Variants in MLPH observed in about 807,000 individuals in gnomAD.
The protein encoded by MLPH is exophilin-3.
A neutral mutation model predicts 72.1 loss-of-function variants in MLPH; 51 were observed. The observed-to-expected ratio is 0.71, with a 90% CI of 0.56 to 0.89. The LOEUF is 0.89. MLPH is among the 40% of genes least tolerant of loss of function. MLPH has a pLI of 0.00. For synonymous variants in MLPH, 301 were observed against 310.1 expected, an observed-to-expected ratio of 0.97 and a Z score of 0.31; for missense variants, 743 against 759.9, an observed-to-expected ratio of 0.98 and a Z score of 0.26.
In MLPH at chr2:237,554,165, C is replaced by T. The variant is rs184909976; in HGVS notation, c.*573C>T. 27 of 235,128 alleles carry T rather than the reference C, an allele frequency of 1.1e-4. No individual in the cohort carries two copies. Among genetic ancestry groups the T allele is most frequent in the African/African-American group, 4.9e-4 (22 of 45,124 alleles). 14.6% of individuals were successfully genotyped at this position (235,128 alleles called of 1,614,324 possible). A position where few individuals can be genotyped will look rare whatever the true frequency, so the allele number is the denominator to read the frequency against. Reference sequence around the variant, plus strand: ...CCCCACCCTACGTGCACCCGCTCTGCAAGTTCCCATGTGATCTGTAGACCA... The same window carrying T: ...CCCCACCCTACGTGCACCCGCTCTGTAAGTTCCCATGTGATCTGTAGACCA... On this transcript the variant is annotated 3_prime_UTR_variant, in exon 16 of 16. Transcript: ENST00000264605.
At position 237,493,555 on chromosome 2, in the gene MLPH, G is replaced by A; in HGVS notation, c.110+19G>A. The A allele has an allele frequency of 6.3e-7, 1 of 1,596,946 alleles. No homozygotes were observed. The highest frequency in any genetic ancestry group is 8.6e-7 in the Non-Finnish European group (1 of 1,164,856). ...GGCTAGAGTGAGTGTGCCGTGCTGA[G>A]CCCACGGAGCCCGGGGTCCCTGATC... On this transcript the variant is annotated intron_variant, in intron 2 of 15. Coordinates refer to ENST00000264605, the MANE Select transcript of MLPH (RefSeq NM_024101.7).
intron 2 of MLPH, among the ~76,000 whole-genome samples, chr2:237,496,837 A>G (rs897487444): frequency 5.3e-5 from 8 of 152,342 alleles, no homozygotes; most frequent in Admixed American, 5.2e-4. Context: ...GTGTCAAGGT[A>G]GTGTTAGGTC....
chr2:237,553,467 T>C (rs2081076694), intron 15 of MLPH, 99 bp from the exon 16 acceptor site: 1 of 1,114,964 alleles, frequency 9.0e-7, no homozygotes, highest in Non-Finnish European at 1.3e-6. Context: ...CACATCCATG[T>C]ACACACCTGT....
chr2:237,545,996 G>A (rs558982652), intron 12 of MLPH, among the ~76,000 whole-genome samples: 1 of 152,302 alleles, frequency 6.6e-6, no homozygotes, highest in South Asian at 2.1e-4. Flanking sequence ...TGTGCCCGAG[G>A]TGGTTAGGGG....
chr2:237,553,453 T>A, intron 15 of MLPH, 113 bp from the exon 16 acceptor site: 1 of 968,766 alleles, frequency 1.0e-6, no homozygotes, highest in Non-Finnish European at 1.6e-6. Context: ...TGTCTACAGA[T>A]GTGCACATCC....
rs746990829 is a variant in MLPH, at chr2:237,510,576, C to T, written c.113C>T (p.Ala38Val). 10 of 1,612,892 alleles carry T rather than the reference C, an allele frequency of 6.2e-6. No homozygotes were observed. The highest frequency in any genetic ancestry group is 1.3e-5 in the African/African-American group (1 of 74,886). The change falls in exon 3 of 16, where the codon GCG becomes GTG. Residue 38 changes from alanine to valine, a missense_variant and splice_region_variant. Ala to Val is a moderately conservative substitution (Grantham distance 64, BLOSUM62 0). Transcript: ENST00000264605. This position sits in a 1 kb window ranked among gnomAD's most constrained non-coding sequence, Gnocchi z 4.4. ...LRRKEEERLE[A>V]LKGKIKKESS... Reference sequence around the variant, plus strand: ...CTTGTTTCTGATATTTTCCCAAGGGCGTTGAAGGGCAAGATTAAGAAGGAA... The same window carrying T: ...CTTGTTTCTGATATTTTCCCAAGGGTGTTGAAGGGCAAGATTAAGAAGGAA...
intron 4 of MLPH, among the ~76,000 whole-genome samples, chr2:237,517,173 G>A (rs1326862977): frequency 1.3e-5 from 2 of 151,350 alleles, no homozygotes; most frequent in African/African-American, 2.4e-5. Flanking sequence ...AGGCAGCTGG[G>A]TAGATGTATG....
At chr2:237,537,832 A>G (rs970568668) in intron 9 of MLPH, 1 of 146,460 alleles carries the variant, frequency 6.8e-6, no homozygotes, top group Admixed American at 6.8e-5. Context: ...CCAGCCCTCC[A>G]GTGTCAGTGG....
At chr2:237,529,544 C>T (rs977962355) in intron 8 of MLPH, among the ~76,000 whole-genome samples, 7 of 152,092 alleles carry the variant, frequency 4.6e-5, no homozygotes, top group East Asian at 3.9e-4. Flanking sequence ...TTCATGTTAC[C>T]GGGGGAAAGG....
chr2:237,540,252 G>C, intron 9 of MLPH, 96 bp from the exon 10 acceptor site: 2 of 1,380,684 alleles, frequency 1.4e-6, no homozygotes, highest in Non-Finnish European at 2.0e-6. Flanking sequence ...GGAACCCCAG[G>C]TGTGCTGGGC....
rs180893075 is a variant in MLPH at position 237,492,943 on chromosome 2, C to G, written c.-24-460C>G. 2.8e-4 allele frequency among the ~76,000 whole-genome samples: 42 copies of G among 152,364 alleles called. No individual in the cohort carries two copies. In the East Asian group the frequency reaches 7.3e-3, roughly 27 times the overall value. On this transcript the variant is annotated intron_variant, in intron 1 of 15. Transcript: ENST00000264605. Reference sequence around the variant, plus strand: ...GGAGGTCTAGGAGATGCACAGGAGACTCTGAGCTGACTATGAATTTGCTGT... The same window carrying G: ...GGAGGTCTAGGAGATGCACAGGAGAGTCTGAGCTGACTATGAATTTGCTGT...
At chr2:237,490,502 T>C (rs1221684408) in intron 1 of MLPH, among the ~76,000 whole-genome samples, 1 of 152,174 alleles carries the variant, frequency 6.6e-6, no homozygotes, top group Non-Finnish European at 1.5e-5. Flanking sequence ...AAAGCAGGTT[T>C]TTCCTTTTGT....
intron 4 of MLPH, chr2:237,518,148 G>A (rs965259433): frequency 8.5e-6 from 3 of 354,330 alleles, no homozygotes; most frequent in African/African-American, 4.3e-5. Context: ...GGATGGGTGG[G>A]TAGGTGAATA....
chr2:237,523,977 G>A (rs1429903413), intron 6 of MLPH, among the ~76,000 whole-genome samples: 1 of 152,132 alleles, frequency 6.6e-6, no homozygotes, highest in Non-Finnish European at 1.5e-5. Flanking sequence ...CTGATTATTA[G>A]TGTCAGGTGG....
chr2:237,494,300 G>A (rs1022202501), intron 2 of MLPH, among the ~76,000 whole-genome samples: 1 of 152,178 alleles, frequency 6.6e-6, no homozygotes, highest in African/African-American at 2.4e-5. Flanking sequence ...CGCTGAAGAT[G>A]GCAGGAGGGA....
In MLPH at chr2:237,545,216, T is replaced by TGGGGACAGTGGTGAGTGGA. The variant is rs1559377532; in HGVS notation, c.1540-1372_1540-1371insAGGGGACAGTGGTGAGTGG. Among the ~76,000 whole-genome samples the TGGGGACAGTGGTGAGTGGA allele has an allele frequency of 1.2e-3, 49 of 42,462 alleles. 1 individual carries two copies. The highest frequency in any genetic ancestry group is 0.014 in the Middle Eastern group (1 of 72). The allele number at this position is 42,462 out of a possible 152,430, so 27.9% of individuals were successfully genotyped here. On this transcript the variant is annotated intron_variant, in intron 12 of 15. Coordinates refer to ENST00000264605, the MANE Select transcript of MLPH (RefSeq NM_024101.7). Reference sequence around the variant, plus strand: ...AGTGGTGAGTGGGGACAGTGGTGAGTGGGGACAGTGGTGAGTGGGGCACAG... The same window carrying TGGGGACAGTGGTGAGTGGA: ...AGTGGTGAGTGGGGACAGTGGTGAGTGGGGACAGTGGTGAGTGGAGGGGACAGTGGTGAGTGGGGCACAG...
At chr2:237,536,904 G>A (rs1228414065) in intron 9 of MLPH, among the ~76,000 whole-genome samples, 1 of 152,128 alleles carries the variant, frequency 6.6e-6, no homozygotes, top group Non-Finnish European at 1.5e-5. Flanking sequence ...GGTACCTCCT[G>A]GCTTTGGCCT....
intron 2 of MLPH, among the ~76,000 whole-genome samples, chr2:237,502,215 C>A (rs1026324875): frequency 3.9e-5 from 6 of 152,150 alleles, no homozygotes; most frequent in Non-Finnish European, 8.8e-5. Flanking sequence ...GTTTTAAGTA[C>A]AGAAAAGATT....
chr2:237,526,342 C>T (rs776431717), intron 7 of MLPH, among the ~76,000 whole-genome samples: 1 of 152,138 alleles, frequency 6.6e-6, no homozygotes, highest in South Asian at 2.1e-4. Flanking sequence ...GATGTCCCAT[C>T]GGAACAGGAG....
Sources: gnomAD v4.1 joint callset for allele counts (sites outside exome capture counted in the v4.1 genomes callset) on GRCh38, gnomAD v4.1.1 for gene constraint, Gnocchi (gnomAD v3.1) non-coding constraint, MANE v1.5 for transcripts, NCBI Gene and HGNC (gene_info 2026-07-23, HGNC 2026-07-21) for gene names.